Variants in DOK4 observed in about 807,000 individuals in gnomAD.
The protein encoded by DOK4 is downstream of tyrosine kinase 4.
A neutral mutation model predicts 40.1 loss-of-function variants in DOK4; 26 were observed. The ratio of observed to expected loss-of-function variants is 0.65; its 90% confidence interval spans 0.48 to 0.90. The LOEUF (loss-of-function observed/expected upper bound fraction) is 0.90, where lower values mean the gene tolerates loss of function less well. Ranked by LOEUF, DOK4 falls within the 40% of genes least tolerant of loss-of-function variation. DOK4 has a pLI of 0.00. For synonymous variants in DOK4, 179 were observed against 177.0 expected (o/e 1.01, Z -0.09); for missense variants, 392 against 437.2 (o/e 0.90, Z 0.92).
At chr16:57,473,133 C>T in exon 9 of DOK4, 1 of 557,554 alleles carries the variant, frequency 1.8e-6, no homozygotes, top group South Asian at 2.4e-5. Flanking sequence ...ATGTCATAAG[C>T]CATATATATT....
intron 4 of DOK4, 25 bp downstream of exon 4, chr16:57,475,473 GGAGGCAGA>G (rs2031104893): frequency 1.3e-6 from 2 of 1,562,078 alleles, no homozygotes; most frequent in African/African-American, 2.7e-5. Flanking sequence ...CCACCCCAGG[GGAGGCAGA>G]TGGAGGCCCA....
chr16:57,477,104 G>C (rs72788072), intron 2 of DOK4, among the ~76,000 whole-genome samples: 6,045 of 152,340 alleles, frequency 0.04, 158 homozygotes, highest in Middle Eastern at 0.085. Context: ...TGGTGGCCGA[G>C]AGCACAGCAG....
At chr16:57,486,503 C>G (rs2031546999), upstream of DOK4, 1 of 151,252 alleles carries the variant, frequency 6.6e-6, no homozygotes, top group African/African-American at 2.4e-5. Context: ...CGCTCCGCTC[C>G]CCCCTCCGCC....
At chr16:57,474,151 C>G (rs2031033551) in intron 6 of DOK4, 112 bp from the exon 7 acceptor site, 2 of 1,472,518 alleles carry the variant, frequency 1.4e-6, no homozygotes, top group Non-Finnish European at 1.8e-6. Context: ...GCCGGGAGGA[C>G]AGGTAGGGCT....
In DOK4 at chr16:57,479,603, G is replaced by GA; in HGVS notation, c.-97dup. On this transcript the variant is annotated 5_prime_UTR_variant, in exon 2 of 9. Transcript: ENST00000340099. This position sits in a 1 kb window ranked among gnomAD's most constrained non-coding sequence, Gnocchi z 5.8. ...CCGGCTCCTCCAATCACCTGTTCCA[G>GA]ACACTCTGTCGGGGCTGCCGCGAGG... 1 of 1,408,880 alleles carries GA rather than the reference G, an allele frequency of 7.1e-7. No homozygotes were observed. The highest frequency in any genetic ancestry group is 9.9e-7 in the Non-Finnish European group (1 of 1,007,840). 87.3% of individuals were successfully genotyped at this position (1,408,880 alleles called of 1,614,324 possible).
At chr16:57,483,646 TC>T (rs1271204640) in intron 1 of DOK4, among the ~76,000 whole-genome samples, 4 of 151,752 alleles carry the variant, frequency 2.6e-5, no homozygotes, top group Admixed American at 2.6e-4. Flanking sequence ...TTCAAAAAAA[TC>T]AATTAAAAAA....
chr16:57,478,121 C>T (rs77945813), intron 2 of DOK4, among the ~76,000 whole-genome samples: 2,326 of 152,360 alleles, frequency 0.015, 25 homozygotes, highest in Non-Finnish European at 0.023. Flanking sequence ...TCCTTGGCCT[C>T]CCTACCTCAG....
At chr16:57,476,085 G>C in intron 2 of DOK4, 128 bp from the exon 3 acceptor site, 3 of 742,550 alleles carry the variant, frequency 4.0e-6, no homozygotes, top group Non-Finnish European at 6.7e-6. Flanking sequence ...CCCAGCCTGG[G>C]GACACCGGGG....
chr16:57,474,088 T>C (rs919818679), intron 6 of DOK4, 49 bp from the exon 7 acceptor site: 5 of 1,606,918 alleles, frequency 3.1e-6, no homozygotes, highest in Non-Finnish European at 4.3e-6. Context: ...ACCACAGACA[T>C]GCATGTGATT....
intron 2 of DOK4, chr16:57,476,285 G>A (rs2031180630): frequency 8.6e-5 from 30 of 349,088 alleles, no homozygotes; most frequent in South Asian, 8.5e-4. Flanking sequence ...GCTCACACCT[G>A]TTATTAGCAC....
chr16:57,478,615 T>C (rs1281051760), intron 2 of DOK4: 1 of 152,200 alleles, frequency 6.6e-6, no homozygotes, highest in Non-Finnish European at 1.5e-5. Flanking sequence ...ATCATGAAGT[T>C]GATCCCCTCT....
chr16:57,473,431 T>C (rs1337413404), exon 9 of DOK4: 4 of 1,614,074 alleles, frequency 2.5e-6, no homozygotes, highest in Non-Finnish European at 3.4e-6. Context: ...GCTTTGGCTT[T>C]AGCAGGATGA....
chr16:57,476,369 C>T (rs913111823), intron 2 of DOK4: 7 of 173,808 alleles, frequency 4.0e-5, no homozygotes, highest in Admixed American at 5.8e-5. Context: ...GAAAGGGAGG[C>T]ATCAAAACAC....
chr16:57,475,967 G>A lies in DOK4; in HGVS notation c.67-10C>T, dbSNP rs575032652. The A allele has an allele frequency of 8.3e-5, 133 of 1,608,906 alleles. No homozygotes were observed. The highest frequency in any genetic ancestry group is 8.0e-4 in the South Asian group (72 of 90,460). ...AGCACCTCCGGTAGATCTGTGGAGC[G>A]AGATGACAGGGCTCAGGCCTCCCTG... On this transcript the variant is annotated splice_polypyrimidine_tract_variant and intron_variant, in intron 2 of 8. Transcript: ENST00000340099.
chr16:57,479,410 G>T lies in DOK4; in HGVS notation c.66+32C>A. 1 of 1,610,676 alleles carries T rather than the reference G, an allele frequency of 6.2e-7. No individual in the cohort carries two copies. ...CGAGTCCTCGGGCCCCCATCCCTTG[G>T]CAGGGCCCCTCCGCAGCTCAGGGTC... On this transcript the variant is annotated intron_variant, in intron 2 of 8. Transcript: ENST00000340099. This position sits in a 1 kb window ranked among gnomAD's most constrained non-coding sequence, Gnocchi z 5.8.
chr16:57,479,400 C>T lies in DOK4; in HGVS notation c.66+42G>A. ...AGCCTGGGACCGAGTCCTCGGGCCC[C>T]CATCCCTTGGCAGGGCCCCTCCGCA... On this transcript the variant is annotated intron_variant, in intron 2 of 8. Coordinates refer to ENST00000340099, the Ensembl canonical transcript of DOK4. The surrounding 1 kb of genome is among the most constrained non-coding windows in gnomAD (Gnocchi z 5.8). The T allele has an allele frequency of 1.2e-6, 2 of 1,608,088 alleles. No homozygotes were observed. The highest frequency in any genetic ancestry group is 1.7e-6 in the Non-Finnish European group (2 of 1,176,974).
At chr16:57,475,378 C>T in intron 4 of DOK4, 128 bp downstream of exon 4, 2 of 1,386,954 alleles carry the variant, frequency 1.4e-6, no homozygotes, top group South Asian at 1.3e-5. Flanking sequence ...CCTGAAAGCA[C>T]CCCCAACCCC....
intron 2 of DOK4, among the ~76,000 whole-genome samples, chr16:57,478,934 A>G (rs1425370598): frequency 1.3e-5 from 2 of 152,176 alleles, no homozygotes; most frequent in African/African-American, 2.4e-5. Context: ...CTCGACAACC[A>G]AAAATTTACT....
intron 2 of DOK4, among the ~76,000 whole-genome samples, chr16:57,477,169 G>A (rs949031730): frequency 1.3e-5 from 2 of 152,174 alleles, no homozygotes; most frequent in East Asian, 1.9e-4. Context: ...TGTGCCATGC[G>A]TACACTAGGT....
Sources: gnomAD v4.1 joint callset for allele counts (sites outside exome capture counted in the v4.1 genomes callset) on GRCh38, gnomAD v4.1.1 for gene constraint, Gnocchi (gnomAD v3.1) non-coding constraint, MANE v1.5 for transcripts, NCBI Gene and HGNC (gene_info 2026-07-23, HGNC 2026-07-21) for gene names.